Variants in KLHL3 observed in about 807,000 individuals in gnomAD.
KLHL3 encodes the protein kelch like family member 3.
In KLHL3, 19 loss-of-function variants were observed where a neutral mutation model predicts 70.5. The ratio of observed to expected loss-of-function variants is 0.27; its 90% CI spans 0.19 to 0.40. The LOEUF is 0.40. Among genes scored for constraint, KLHL3 ranks in the 10% least tolerant of loss-of-function variants. KLHL3 has a pLI of 1.00. For missense variants in KLHL3, 512 were observed against 771.1 expected (o/e 0.66, Z 3.98); for synonymous variants, 258 against 290.3 (o/e 0.89, Z 1.13).
intron 3 of KLHL3, among the ~76,000 whole-genome samples, chr5:137,700,712 T>C (rs1216637748): frequency 6.6e-6 from 1 of 152,142 alleles, no homozygotes; most frequent in Non-Finnish European, 1.5e-5. Context: ...ATTTTCTATA[T>C]TAAGTACTTA....
chr5:137,734,323 A>C (rs1753227239), intron 1 of KLHL3, among the ~76,000 whole-genome samples: 1 of 152,204 alleles, frequency 6.6e-6, no homozygotes, highest in Admixed American at 6.5e-5. Flanking sequence ...TCTGCTGCTC[A>C]GCAGGCCTCA....
At chr5:137,691,083 C>T (rs1376059414) in intron 5 of KLHL3, among the ~76,000 whole-genome samples, 2 of 152,140 alleles carry the variant, frequency 1.3e-5, no homozygotes, top group Non-Finnish European at 2.9e-5. Flanking sequence ...CCTCCCAAAA[C>T]CCCATTAAAA....
intron 5 of KLHL3, among the ~76,000 whole-genome samples, chr5:137,687,233 T>C (rs1447808653): frequency 3.2e-5 from 1 of 31,550 alleles, no homozygotes; most frequent in African/African-American, 1.6e-4. Flanking sequence ...AGCCGCCCCG[T>C]CCGGGAGGGA....
chr5:137,716,169 T>C (rs1009996658), intron 2 of KLHL3, among the ~76,000 whole-genome samples: 1 of 151,756 alleles, frequency 6.6e-6, no homozygotes, highest in South Asian at 2.1e-4. Context: ...GTTAATGACA[T>C]AGAAAAATGT....
chr5:137,647,851 T>C (rs1751095619), intron 8 of KLHL3, among the ~76,000 whole-genome samples: 1 of 152,194 alleles, frequency 6.6e-6, no homozygotes, highest in Non-Finnish European at 1.5e-5. Context: ...CAGACACATC[T>C]GGGCCCAAAT....
intron 1 of KLHL3, among the ~76,000 whole-genome samples, chr5:137,735,273 G>T (rs969331123): frequency 6.6e-6 from 1 of 152,174 alleles, no homozygotes; most frequent in African/African-American, 2.4e-5. Flanking sequence ...AAACACCCCG[G>T]GAAAGGAGCC....
intron 6 of KLHL3, among the ~76,000 whole-genome samples, chr5:137,668,432 C>G (rs547834177): frequency 1.3e-5 from 2 of 152,070 alleles, no homozygotes; most frequent in South Asian, 2.1e-4. Context: ...CAAAAAAAAC[C>G]CTGGGCAGAC....
rs533189977 is a variant in KLHL3, at chr5:137,639,346, T to G, written c.1022-196A>C. Among the ~76,000 whole-genome samples, 1 of 152,136 alleles carries G rather than the reference T, an allele frequency of 6.6e-6. No individual in the cohort carries two copies. Among genetic ancestry groups the G allele is most frequent in the Admixed American group, 6.5e-5 (1 of 15,280 alleles). On this transcript the variant is annotated intron_variant, in intron 9 of 14. Coordinates refer to ENST00000309755, the MANE Select transcript of KLHL3 (RefSeq NM_017415.3). This position sits in a 1 kb window ranked among gnomAD's most constrained non-coding sequence, Gnocchi z 5.0. ...TAATTTTGTCTGATTCAAGTAAATA[T>G]TTGAATCAGCTTTAACTCCCCAAGC...
At chr5:137,638,062 T>G (rs138385931) in intron 10 of KLHL3, among the ~76,000 whole-genome samples, 3 of 152,360 alleles carry the variant, frequency 2.0e-5, no homozygotes, top group African/African-American at 7.2e-5. Context: ...TCTTGTTTCA[T>G]GAGTAAAGCA....
At chr5:137,676,435 G>A (rs1267406155) in intron 6 of KLHL3, among the ~76,000 whole-genome samples, 1 of 152,180 alleles carries the variant, frequency 6.6e-6, no homozygotes, top group Non-Finnish European at 1.5e-5. Context: ...GGAATAAGAT[G>A]TAGTCCCTAA....
intron 3 of KLHL3, among the ~76,000 whole-genome samples, chr5:137,708,038 G>GA (rs139169462): frequency 0.021 from 3,261 of 152,176 alleles, 120 homozygotes; most frequent in African/African-American, 0.074. Flanking sequence ...AGGAAAGGGG[G>GA]AAAAAAGGAA....
chr5:137,686,542 CT>C (rs1752167208), intron 5 of KLHL3, among the ~76,000 whole-genome samples: 4 of 152,238 alleles, frequency 2.6e-5, no homozygotes, highest in African/African-American at 9.6e-5. Flanking sequence ...GAAATACCTT[CT>C]AACTCAAGGC....
At position 137,698,275 on chromosome 5, in the gene KLHL3, G is replaced by A. The variant is rs765703162; in HGVS notation, c.363+12C>T. The A allele has an allele frequency of 4.3e-6, 7 of 1,614,128 alleles. No individual in the cohort carries two copies. The highest frequency in any genetic ancestry group is 3.4e-6 in the Non-Finnish European group (4 of 1,179,994). ...GTGCAATACACTGAGCTATTAGTGA[G>A]CCTGAGTTTACCTGGACATTCTCTT... is the stretch of plus-strand genomic sequence containing the variant. On this transcript the variant is annotated intron_variant, in intron 4 of 14. Coordinates refer to ENST00000309755, the MANE Select transcript of KLHL3 (RefSeq NM_017415.3).
At chr5:137,676,849 G>T (rs1374366948) in intron 6 of KLHL3, among the ~76,000 whole-genome samples, 1 of 152,176 alleles carries the variant, frequency 6.6e-6, no homozygotes, top group Non-Finnish European at 1.5e-5. Context: ...CTGGCATAAA[G>T]AAATTTTTAC....
chr5:137,673,524 A>T (rs1015585115), intron 6 of KLHL3, among the ~76,000 whole-genome samples: 15 of 152,010 alleles, frequency 9.9e-5, no homozygotes, highest in Non-Finnish European at 1.5e-5. Flanking sequence ...TAAAATAAAA[A>T]CCACATGAAG....
intron 7 of KLHL3, among the ~76,000 whole-genome samples, chr5:137,659,261 C>A (rs1015210182): frequency 1.8e-4 from 27 of 152,190 alleles, no homozygotes; most frequent in African/African-American, 5.6e-4. Context: ...GAATTCAAGT[C>A]CAGTCAGAGA....
chr5:137,711,435 G>T (rs1298576730), intron 2 of KLHL3, among the ~76,000 whole-genome samples: 2 of 152,182 alleles, frequency 1.3e-5, no homozygotes, highest in Non-Finnish European at 2.9e-5. Flanking sequence ...CCTCATGATT[G>T]GCTGACATTC....
In KLHL3 at chr5:137,637,400, G is replaced by A. The variant is rs760527657; in HGVS notation, c.1220-5C>T. 81 of 1,612,960 alleles carry A rather than the reference G, an allele frequency of 5.0e-5. No individual in the cohort carries two copies. The Admixed American group carries it at 1.3e-3, about 27-fold the overall frequency. ...AGGCTTCCACCGATGCTAGGCCTGG[G>A]AGACAAGAGACTCATGAGACTTCCG... On this transcript the variant is annotated splice_polypyrimidine_tract_variant and splice_region_variant and intron_variant, in intron 10 of 14. Coordinates refer to ENST00000309755, the MANE Select transcript of KLHL3 (RefSeq NM_017415.3).
chr5:137,722,647 T>G (rs1296743955), intron 1 of KLHL3, among the ~76,000 whole-genome samples: 1 of 152,214 alleles, frequency 6.6e-6, no homozygotes, highest in Admixed American at 6.5e-5. Context: ...ACATTTTTGC[T>G]TTTGGTATTT....
Sources: allele counts gnomAD v4.1 joint callset (sites outside exome capture counted in the v4.1 genomes callset), GRCh38; gene constraint gnomAD v4.1.1; non-coding constraint Gnocchi (gnomAD v3.1); transcripts MANE v1.5; gene names NCBI Gene and HGNC (gene_info 2026-07-23, HGNC 2026-07-21).